The following WWP1 variants were observed in gnomAD, a reference collection of about 807,000 sequenced individuals.
WWP1 encodes the protein WW domain containing E3 ubiquitin protein ligase 1.
WWP1 carries 49 observed loss-of-function variants against 130.6 expected under a neutral mutation model. The ratio of observed to expected loss-of-function variants is 0.38; its 90% CI spans 0.30 to 0.48. The LOEUF is 0.48. WWP1 is among the 20% of genes least tolerant of loss of function. The pLI, the probability that WWP1 is intolerant of heterozygous loss-of-function variation, is 0.99. For missense variants in WWP1, 809 were observed against 1,100.6 expected (o/e 0.74, Z 3.75); for synonymous variants, 332 against 367.8 (o/e 0.90, Z 1.11).
At chr8:86,442,888 T>C (rs776792141) in intron 18 of WWP1, 110 bp downstream of exon 18, 44 of 1,204,706 alleles carry the variant, frequency 3.7e-5, no homozygotes, top group Non-Finnish European at 4.6e-5. Flanking sequence ...TCACAAGTTT[T>C]GTTACCAAGA....
chr8:86,426,408 A>G (rs753100311), intron 10 of WWP1, among the ~76,000 whole-genome samples: 2 of 152,348 alleles, frequency 1.3e-5, no homozygotes, highest in Non-Finnish European at 2.9e-5. Flanking sequence ...GTTTACAATC[A>G]TTTTATAAAT....
chr8:86,430,616 C>A, intron 11 of WWP1, 81 bp from the exon 12 acceptor site: 1 of 1,155,522 alleles, frequency 8.7e-7, no homozygotes, highest in Non-Finnish European at 1.2e-6. Context: ...AAATGTGATT[C>A]TGCCACATGC....
chr8:86,381,790 A>G (rs1825001254), intron 5 of WWP1, among the ~76,000 whole-genome samples, 161 bp downstream of exon 5: 1 of 152,234 alleles, frequency 6.6e-6, no homozygotes. Context: ...AATAGGAAAT[A>G]TTTACCATGG....
chr8:86,421,025 AAT>A (rs1218388226), intron 9 of WWP1, among the ~76,000 whole-genome samples: 2 of 152,226 alleles, frequency 1.3e-5, no homozygotes, highest in African/African-American at 4.8e-5. Flanking sequence ...TTTCATACAG[AAT>A]AGCCCATTGT....
chr8:86,458,024 A>G lies in WWP1; in HGVS notation c.2498A>G (p.Gln833Arg). ...AGCAAGCAAATCATTTGGTTTTGGCAGGTATTTGCTTTTATCTTTTTTGAA... is the reference window on the plus strand; with the variant it reads ...AGCAAGCAAATCATTTGGTTTTGGCGGGTATTTGCTTTTATCTTTTTTGAA... ...RNSKQIIWFW[Q>R]FVKETDNEVR... The change falls in exon 22 of 25, where the codon CAG (glutamine) becomes CGG (arginine). Residue 833 changes from glutamine (Q) to arginine (R), a missense_variant and splice_region_variant. Coordinates refer to ENST00000517970, the MANE Select transcript of WWP1 (RefSeq NM_007013.4). 1 of 1,610,482 alleles carries G rather than the reference A, an allele frequency of 6.2e-7. No individual in the cohort carries two copies. Among genetic ancestry groups the G allele is most frequent in the Non-Finnish European group, 8.5e-7 (1 of 1,177,344 alleles).
Position 86,431,673 on chromosome 8 carries a change from G to A in WWP1, c.1531G>A (p.Val511Ile). Reference sequence around the variant, plus strand: ...GGAAATTAGATATACTCGTGAAGGTGTAAGGTACTTTGTTGATCATAACAC... The same window carrying A: ...GGAAATTAGATATACTCGTGAAGGTATAAGGTACTTTGTTGATCATAACAC... ...GWEIRYTREG[V>I]RYFVDHNTRT... Residue 511 changes from valine (V) to isoleucine (I), a missense_variant, in exon 14 of 25, where the codon GTA becomes ATA. Transcript: ENST00000517970. 1 of 1,614,062 alleles carries A rather than the reference G, an allele frequency of 6.2e-7. No homozygotes were observed.
At chr8:86,419,093 T>TC (rs1439156180) in intron 9 of WWP1, among the ~76,000 whole-genome samples, 2 of 152,050 alleles carry the variant, frequency 1.3e-5, no homozygotes, top group Non-Finnish European at 2.9e-5. Context: ...AAGATAGAGA[T>TC]CAAAAAAACA....
chr8:86,466,022 G>A (rs7818436), intron 24 of WWP1, among the ~76,000 whole-genome samples: 22,508 of 152,076 alleles, frequency 0.15, 1,806 homozygotes, highest in Non-Finnish European at 0.19. Context: ...GGAAAATGAA[G>A]GTACAGAAGG....
At chr8:86,404,170 A>T (rs1468839972) in intron 8 of WWP1, among the ~76,000 whole-genome samples, 4 of 152,226 alleles carry the variant, frequency 2.6e-5, no homozygotes, top group South Asian at 2.1e-4. Flanking sequence ...AGGGATGCTA[A>T]ACTGGCAAGT....
In WWP1 at chr8:86,363,616, A is replaced by G. The variant is rs572077981; in HGVS notation, c.-114-5323A>G. 6.6e-5 allele frequency among the ~76,000 whole-genome samples: 10 copies of G among 152,194 alleles called. No homozygotes were observed. In the South Asian group the frequency reaches 2.1e-3, roughly 32 times the overall value. On this transcript the variant is annotated intron_variant, in intron 1 of 24. Coordinates refer to ENST00000517970, the MANE Select transcript of WWP1 (RefSeq NM_007013.4). ...CAGGAGTTCAAGACCAGCCTGGCCA[A>G]CATGGTGAAACCCCGTCTCTACGAA...
intron 22 of WWP1, among the ~76,000 whole-genome samples, chr8:86,459,196 C>T (rs1289826773): frequency 2.6e-5 from 4 of 151,562 alleles, no homozygotes; most frequent in Non-Finnish European, 4.4e-5. Flanking sequence ...CCACCATGCC[C>T]GGCTAGTTTT....
At position 86,411,318 on chromosome 8, in the gene WWP1, A is replaced by G. The variant is rs193136877; in HGVS notation, c.725-220A>G. ...TATTATTATACATACTTAAATTTTT[A>G]TCATTTACATATTCATCCCTGAAAT... On this transcript the variant is annotated intron_variant, in intron 8 of 24. Coordinates refer to ENST00000517970, the MANE Select transcript of WWP1 (RefSeq NM_007013.4). Among the ~76,000 whole-genome samples the G allele has an allele frequency of 1.1e-4, 16 of 152,206 alleles. No individual in the cohort carries two copies. The East Asian group carries it at 2.3e-3, about 22-fold the overall frequency.
intron 5 of WWP1, among the ~76,000 whole-genome samples, chr8:86,397,550 C>T (rs1384505556): frequency 6.6e-6 from 1 of 152,098 alleles, no homozygotes; most frequent in Non-Finnish European, 1.5e-5. Context: ...AACAAAAATT[C>T]CTTCTAACTG....
chr8:86,398,778 T>C, intron 7 of WWP1, 140 bp downstream of exon 7: 1 of 846,120 alleles, frequency 1.2e-6, no homozygotes, highest in Admixed American at 2.8e-5. Flanking sequence ...TGGTTAATTC[T>C]TGTGAAAGTA....
At chr8:86,424,329 C>A (rs1809457371) in intron 9 of WWP1, among the ~76,000 whole-genome samples, 4 of 151,534 alleles carry the variant, frequency 2.6e-5, no homozygotes, top group Admixed American at 2.0e-4. Flanking sequence ...GACTGGGCAG[C>A]CGGGCAGAGG....
At position 86,379,363 on chromosome 8, in the gene WWP1, A is replaced by C. The variant is rs374653846; in HGVS notation, c.71-1363A>C. On this transcript the variant is annotated intron_variant, in intron 3 of 24. Transcript: ENST00000517970. ...ATTTGCTTGGAATCTTGCATTTATC[A>C]CATTGTATTTCAGTGATTTATTTGT... is the stretch of plus-strand genomic sequence containing the variant. 1.9e-4 allele frequency among the ~76,000 whole-genome samples: 29 copies of C among 152,296 alleles called. 1 individual carries two copies. The South Asian group carries it at 3.1e-3, about 16-fold the overall frequency.
chr8:86,350,043 CT>C (rs1426737757), intron 1 of WWP1, among the ~76,000 whole-genome samples: 1 of 152,056 alleles, frequency 6.6e-6, no homozygotes, highest in Non-Finnish European at 1.5e-5. Context: ...CTTGAAAAAG[CT>C]TGGGATAAGC....
At chr8:86,454,530 G>T (rs1383341824) in intron 21 of WWP1, among the ~76,000 whole-genome samples, 15 of 152,048 alleles carry the variant, frequency 9.9e-5, no homozygotes, top group Non-Finnish European at 1.5e-5. Context: ...TTTTAGAGTA[G>T]TATTTATTAA....
At position 86,458,032 on chromosome 8, in the gene WWP1, G is replaced by A; in HGVS notation, c.2499+7G>A. The stretch of plus-strand genomic sequence containing the variant: ...AATCATTTGGTTTTGGCAGGTATTT[G>A]CTTTTATCTTTTTTGAAACAAAGTA... On this transcript the variant is annotated splice_region_variant and intron_variant, in intron 22 of 24. Transcript: ENST00000517970. 5.6e-6 allele frequency: 9 copies of A among 1,607,188 alleles called. No homozygotes were observed. The highest frequency in any genetic ancestry group is 7.7e-6 in the Non-Finnish European group (9 of 1,174,870).
Sources: allele counts gnomAD v4.1 joint callset (sites outside exome capture counted in the v4.1 genomes callset), GRCh38; gene constraint gnomAD v4.1.1; transcripts MANE v1.5; gene names NCBI Gene and HGNC (gene_info 2026-07-23, HGNC 2026-07-21).